TBC1D19: variants seen among roughly 807,000 people sequenced by gnomAD.
The protein encoded by TBC1D19 is TBC1 domain family member 19.
TBC1D19 carries 60 observed loss-of-function variants against 89.0 expected under a neutral mutation model. That is an observed-to-expected ratio of 0.67 (90% CI 0.55 to 0.84). TBC1D19 has a LOEUF of 0.84. Among genes scored for constraint, TBC1D19 ranks in the 40% least tolerant of loss-of-function variants. The pLI, the probability that TBC1D19 is intolerant of heterozygous loss-of-function variation, is 0.00. For synonymous variants in TBC1D19, 189 were observed against 199.7 expected (o/e 0.95, Z 0.45); for missense variants, 500 against 610.8 (o/e 0.82, Z 1.91).
At chr4:26,681,776 A>G (rs1713366818) in intron 11 of TBC1D19, among the ~76,000 whole-genome samples, 1 of 152,206 alleles carries the variant, frequency 6.6e-6, no homozygotes, top group Admixed American at 6.5e-5. Flanking sequence ...AGAATGAGTT[A>G]AATGTGTATT....
intron 13 of TBC1D19, among the ~76,000 whole-genome samples, chr4:26,710,374 T>C (rs1011323521): frequency 5.9e-5 from 9 of 152,158 alleles, no homozygotes; most frequent in Non-Finnish European, 1.0e-4. Flanking sequence ...TCATTTTTTA[T>C]GGCTGCATAG....
chr4:26,774,314 C>A, the TBC1D19 span, among the ~76,000 whole-genome samples: 6 of 152,360 alleles, frequency 3.9e-5, no homozygotes, highest in Admixed American at 3.9e-4. Context: ...TGATTCCTGG[C>A]AGATCAGCAC....
chr4:26,714,257 GTTTT>G (rs1716409421), intron 13 of TBC1D19, among the ~76,000 whole-genome samples: 1 of 150,310 alleles, frequency 6.7e-6, no homozygotes, highest in South Asian at 2.1e-4. Context: ...TTGTTTGTTT[GTTTT>G]TTCTTTTTTT....
intron 1 of TBC1D19, among the ~76,000 whole-genome samples, chr4:26,586,281 T>TAC (rs199880000): frequency 3.5e-4 from 53 of 151,480 alleles, no homozygotes; most frequent in African/African-American, 1.1e-3. Flanking sequence ...GAAAATCAAT[T>TAC]ACACACACAC....
chr4:26,686,906 A>T (rs1713861123), intron 12 of TBC1D19, among the ~76,000 whole-genome samples: 1 of 152,040 alleles, frequency 6.6e-6, no homozygotes, highest in Non-Finnish European at 1.5e-5. Flanking sequence ...AGACTGTTAG[A>T]GCTATTTGAC....
the TBC1D19 span, among the ~76,000 whole-genome samples, chr4:26,809,241 C>T: frequency 6.6e-6 from 1 of 152,304 alleles, no homozygotes; most frequent in South Asian, 2.1e-4. Flanking sequence ...ACTTCTCTCC[C>T]TGCTCTGTGC....
At chr4:26,754,708 AACATT>A (rs1270607337) in intron 20 of TBC1D19, among the ~76,000 whole-genome samples, 160 bp from the exon 21 acceptor site, 5 of 152,242 alleles carry the variant, frequency 3.3e-5, no homozygotes, top group Admixed American at 6.5e-5. Flanking sequence ...CACATGTACT[AACATT>A]AAGATATTCT....
At chr4:26,815,545 A>G in the TBC1D19 span, among the ~76,000 whole-genome samples, 8 of 152,228 alleles carry the variant, frequency 5.3e-5, no homozygotes, top group East Asian at 3.8e-4. Context: ...GACCTCCCCA[A>G]TAACCCTTAC....
intron 19 of TBC1D19, among the ~76,000 whole-genome samples, chr4:26,749,295 T>C (rs1718814485): frequency 6.6e-6 from 1 of 152,146 alleles, no homozygotes; most frequent in Non-Finnish European, 1.5e-5. Flanking sequence ...GTTTTCACAA[T>C]AGATAGGGAT....
At chr4:26,648,251 G>C (rs759047695) in intron 7 of TBC1D19, among the ~76,000 whole-genome samples, 3 of 152,156 alleles carry the variant, frequency 2.0e-5, no homozygotes, top group Non-Finnish European at 4.4e-5. Context: ...TTGGCCTAGA[G>C]AGCCAAGACA....
chr4:26,619,861 C>T (rs1012280023), intron 3 of TBC1D19, among the ~76,000 whole-genome samples: 1 of 152,150 alleles, frequency 6.6e-6, no homozygotes, highest in African/African-American at 2.4e-5. Flanking sequence ...TAACCTTTTA[C>T]ATGTTTTTGT....
At chr4:26,600,716 G>A (rs1199203984) in intron 1 of TBC1D19, among the ~76,000 whole-genome samples, 2 of 152,094 alleles carry the variant, frequency 1.3e-5, no homozygotes, top group Non-Finnish European at 2.9e-5. Context: ...AACCAGTGAG[G>A]GATCCATCCT....
In TBC1D19 at chr4:26,742,749, G is replaced by A. The variant is rs956802070; in HGVS notation, c.1319+150G>A. On this transcript the variant is annotated intron_variant, in intron 18 of 20. Transcript: ENST00000264866. ...AACTATAATTATCAATTAGTAAATT[G>A]TAATAACATTGTTCCAAAAATTCTT... 9.7e-6 allele frequency: 5 copies of A among 513,024 alleles called. No homozygotes were observed. The South Asian group carries it at 1.9e-4, about 19-fold the overall frequency. 31.8% of individuals were successfully genotyped at this position (513,024 alleles called of 1,614,324 possible).
At chr4:26,715,627 G>A (rs2109257073) in intron 13 of TBC1D19, among the ~76,000 whole-genome samples, 1 of 152,190 alleles carries the variant, frequency 6.6e-6, no homozygotes, top group African/African-American at 2.4e-5. Context: ...TAAACTGTCA[G>A]ACCCATCCTG....
chr4:26,799,361 A>G, the TBC1D19 span, among the ~76,000 whole-genome samples: 2 of 152,120 alleles, frequency 1.3e-5, no homozygotes, highest in African/African-American at 4.8e-5. Context: ...CAAACAAACA[A>G]ACAAAAAACT....
intron 18 of TBC1D19, 113 bp from the exon 19 acceptor site, chr4:26,748,298 G>A (rs1380468423): frequency 2.8e-6 from 2 of 704,602 alleles, no homozygotes; most frequent in African/African-American, 1.8e-5. Context: ...AGTTTTAAAT[G>A]CCCAGGTGAT....
At chr4:26,757,104 C>T (rs1441334479), downstream of TBC1D19, among the ~76,000 whole-genome samples, 2 of 152,106 alleles carry the variant, frequency 1.3e-5, no homozygotes, top group Non-Finnish European at 2.9e-5. Flanking sequence ...ACCTCCACCT[C>T]CTGGGTTCAA....
At chr4:26,771,176 T>TA in the TBC1D19 span, among the ~76,000 whole-genome samples, 1,276 of 141,814 alleles carry the variant, frequency 9.0e-3, 10 homozygotes, top group African/African-American at 0.027. Flanking sequence ...GTGTCTATTA[T>TA]AAAAAAAAAA....
At chr4:26,779,698 G>C in the TBC1D19 span, among the ~76,000 whole-genome samples, 1 of 152,216 alleles carries the variant, frequency 6.6e-6, no homozygotes. Context: ...GGGGATAAGT[G>C]CCTAAGAGAT....
Sources: gnomAD v4.1 joint callset for allele counts (sites outside exome capture counted in the v4.1 genomes callset) on GRCh38, gnomAD v4.1.1 for gene constraint, MANE v1.5 for transcripts, NCBI Gene and HGNC (gene_info 2026-07-23, HGNC 2026-07-21) for gene names.